DNAH17: variants seen among roughly 807,000 people sequenced by gnomAD.
DNAH17 encodes dynein axonemal heavy chain 17.
In DNAH17, 376 loss-of-function variants were observed where a neutral mutation model predicts 485.6. The ratio of observed to expected loss-of-function variants is 0.77; its 90% confidence interval spans 0.71 to 0.84. DNAH17 has a LOEUF of 0.84. DNAH17 is among the 40% of genes least tolerant of loss of function. The pLI is 0.00. For synonymous variants in DNAH17, 3,031 were observed against 2,405.9 expected (o/e 1.26, Z -7.60); for missense variants, 6,370 against 5,839.3 (o/e 1.09, Z -2.96).
intron 51 of DNAH17, among the ~76,000 whole-genome samples, chr17:78,478,467 CCAT>C (rs1046947170): frequency 5.0e-4 from 76 of 150,796 alleles, no homozygotes; most frequent in Non-Finnish European, 2.7e-4. Context: ...ATCACTATTG[CCAT>C]CATCACCACC....
At chr17:78,502,337 C>T (rs2090326567) in intron 33 of DNAH17, 1 of 401,558 alleles carries the variant, frequency 2.5e-6, no homozygotes, top group Non-Finnish European at 4.5e-6. Context: ...CTCTCAGTAG[C>T]ATCTGCCAAT....
intron 48 of DNAH17, among the ~76,000 whole-genome samples, chr17:78,481,589 T>C (rs1412208158): frequency 2.0e-5 from 3 of 152,086 alleles, no homozygotes; most frequent in African/African-American, 7.2e-5. Flanking sequence ...ACCTGTGCAA[T>C]GGGTCATGAG....
At chr17:78,532,346 ACCT>A in intron 20 of DNAH17, 133 bp downstream of exon 20, 2 of 1,233,154 alleles carry the variant, frequency 1.6e-6, no homozygotes, top group Non-Finnish European at 2.2e-6. Context: ...AATGGTGGTC[ACCT>A]CCTGATGTTT....
intron 22 of DNAH17, among the ~76,000 whole-genome samples, chr17:78,527,260 G>A (rs1390577033): frequency 6.6e-6 from 1 of 151,950 alleles, no homozygotes; most frequent in African/African-American, 2.4e-5. Context: ...GATGATATGG[G>A]CCTGTAGTCC....
intron 73 of DNAH17, among the ~76,000 whole-genome samples, chr17:78,438,425 A>G (rs76780866): frequency 0.014 from 72 of 5,118 alleles, 1 homozygote; most frequent in African/African-American, 0.045. Context: ...AAGTGAGGAG[A>G]AGGAGGAGGA....
intron 22 of DNAH17, among the ~76,000 whole-genome samples, 174 bp downstream of exon 22, chr17:78,529,298 C>T (rs549775136): frequency 6.6e-6 from 1 of 152,186 alleles, no homozygotes; most frequent in Non-Finnish European, 1.5e-5. Flanking sequence ...CCCAGGGTCT[C>T]CTGTCCCCCA....
At chr17:78,480,808 C>T (rs2089314747) in intron 48 of DNAH17, 22 bp from the exon 49 acceptor site, 1 of 1,578,218 alleles carries the variant, frequency 6.3e-7, no homozygotes, top group Non-Finnish European at 8.7e-7. Flanking sequence ...AACCAGCATT[C>T]ATGTTGTGCC....
Position 78,501,846 on chromosome 17 carries a change from G to A in DNAH17, c.5218C>T (p.Leu1740=), listed in dbSNP as rs1422914832. 1.9e-6 allele frequency: 3 copies of A among 1,614,050 alleles called. No homozygotes were observed. The highest frequency in any genetic ancestry group is 2.5e-6 in the Non-Finnish European group (3 of 1,179,908). Residue 1740 remains leucine (L), a synonymous_variant, in exon 34 of 81, where the codon CTG becomes TTG. Transcript: ENST00000389840. ...CCAGCGTTGAGGTTCCCCATGAGCAGCGTGATGAGTACGTTCAGCTGGCTA... is the reference window on the plus strand; with the variant it reads ...CCAGCGTTGAGGTTCCCCATGAGCAACGTGATGAGTACGTTCAGCTGGCTA... ...QISQLNVLIT[L]LMGNLNAGDR... is the part of the protein sequence containing the mutation.
intron 11 of DNAH17, among the ~76,000 whole-genome samples, chr17:78,562,328 T>A (rs2092174694): frequency 1.3e-5 from 2 of 152,168 alleles, no homozygotes; most frequent in Non-Finnish European, 2.9e-5. Flanking sequence ...TCACACCTGT[T>A]ATTCCAACAC....
At chr17:78,542,869 G>A (rs1282870610) in intron 17 of DNAH17, among the ~76,000 whole-genome samples, 2 of 152,238 alleles carry the variant, frequency 1.3e-5, no homozygotes, top group African/African-American at 4.8e-5. Context: ...CCACACTCAT[G>A]GATGGGAAAT....
At chr17:78,544,896 A>G (rs1044887367) in intron 16 of DNAH17, among the ~76,000 whole-genome samples, 1 of 150,208 alleles carries the variant, frequency 6.7e-6, no homozygotes, top group Admixed American at 6.7e-5. Flanking sequence ...TTTTTTCCCT[A>G]CACATCTCCA....
chr17:78,571,118 C>CCTG, intron 5 of DNAH17, 85 bp from the exon 6 acceptor site: 1 of 1,357,242 alleles, frequency 7.4e-7, no homozygotes, highest in South Asian at 1.3e-5. Context: ...TGTGCTGAGA[C>CCTG]CTGCTCCTTC....
At position 78,570,989 on chromosome 17, in the gene DNAH17, G is replaced by A. The variant is rs867799541; in HGVS notation, c.877C>T (p.Arg293Trp). The change falls in exon 6 of 81, where the codon CGG becomes TGG. Residue 293 changes from arginine to tryptophan, a missense_variant. Arg to Trp is a moderately radical substitution (Grantham distance 101). Transcript: ENST00000389840. ...NDIVLYLKPLRILLEEMEQAD... is the reference protein window; with the variant it reads ...NDIVLYLKPLWILLEEMEQAD... The stretch of plus-strand genomic sequence containing the variant: ...TGTTCCATCTCCTCCAGCAGGATCC[G>A]TAGGGGCTTCAAATAGAGCACGATG... The A allele has an allele frequency of 8.8e-6, 14 of 1,584,350 alleles. No individual in the cohort carries two copies. The African/African-American group carries it at 1.1e-4, about 12-fold the overall frequency.
intron 16 of DNAH17, among the ~76,000 whole-genome samples, chr17:78,550,639 G>A (rs1006866429): frequency 2.0e-4 from 31 of 152,072 alleles, no homozygotes; most frequent in South Asian, 6.2e-4. Flanking sequence ...CAACCCTGCC[G>A]ACACCTTAAC....
At chr17:78,502,446 G>A in intron 33 of DNAH17, 145 bp downstream of exon 33, 2 of 727,380 alleles carry the variant, frequency 2.7e-6, no homozygotes, top group Non-Finnish European at 2.2e-6. Flanking sequence ...TTGGCCTGTG[G>A]AAACGACGGT....
At chr17:78,556,643 A>T (rs1057028293) in intron 14 of DNAH17, among the ~76,000 whole-genome samples, 7 of 152,140 alleles carry the variant, frequency 4.6e-5, no homozygotes, top group Non-Finnish European at 7.4e-5. Flanking sequence ...GAAGGAGGAC[A>T]AGCACAGTGA....
chr17:78,446,633 T>A (rs1162566698), intron 69 of DNAH17, among the ~76,000 whole-genome samples: 1 of 103,432 alleles, frequency 9.7e-6, no homozygotes, highest in African/African-American at 8.1e-5. Flanking sequence ...TTTAAATTTA[T>A]TTTATTATTT....
chr17:78,438,469 A>AGGAGGGAGGAGGGGGGAGGAGGAGGAGG (rs2086941660), intron 73 of DNAH17, among the ~76,000 whole-genome samples: 1 of 16,506 alleles, frequency 6.1e-5, no homozygotes, highest in African/African-American at 2.9e-4. Context: ...GGAGGAGGAG[A>AGGAGGGAGGAGGGGGGAGGAGGAGGAGG]TGCTTTTGTC....
intron 7 of DNAH17, 65 bp from the exon 8 acceptor site, chr17:78,569,592 G>A (rs1257855334): frequency 8.6e-6 from 13 of 1,516,200 alleles, no homozygotes; most frequent in East Asian, 2.4e-5. Flanking sequence ...GTCCAGGCAC[G>A]CCGCCTGCAG....
Sources: gnomAD v4.1 joint callset for allele counts (sites outside exome capture counted in the v4.1 genomes callset) on GRCh38, gnomAD v4.1.1 for gene constraint, MANE v1.5 for transcripts, NCBI Gene and HGNC (gene_info 2026-07-23, HGNC 2026-07-21) for gene names.